Variants in SMC5 observed in about 807,000 individuals in gnomAD.
The protein encoded by SMC5 is structural maintenance of chromosomes 5.
Under a neutral mutation model 148.3 loss-of-function variants are expected in SMC5, and 88 were observed. The ratio of observed to expected loss-of-function variants is 0.59; its 90% CI spans 0.50 to 0.71. SMC5 has a LOEUF of 0.71. Among genes scored for constraint, SMC5 ranks in the 30% least tolerant of loss-of-function variants. The pLI is 0.00. For missense variants in SMC5, 1,142 were observed against 1,298.9 expected, an observed-to-expected ratio of 0.88 and a Z score of 1.86; for synonymous variants, 421 against 432.8, an observed-to-expected ratio of 0.97 and a Z score of 0.34.
intron 13 of SMC5, among the ~76,000 whole-genome samples, chr9:70,318,161 T>A (rs2035853374): frequency 6.6e-6 from 1 of 151,978 alleles, no homozygotes; most frequent in Non-Finnish European, 1.5e-5. Context: ...GGCGGGAGAA[T>A]CTCAGAGGCA....
chr9:70,348,181 C>A, intron 22 of SMC5, 143 bp downstream of exon 22: 3 of 803,006 alleles, frequency 3.7e-6, no homozygotes, highest in Non-Finnish European at 5.5e-6. Flanking sequence ...AGGAGAAAAC[C>A]ACCTGTGGGA....
At position 70,318,530 on chromosome 9, in the gene SMC5, G is replaced by A. The variant is rs745509783; in HGVS notation, c.1823G>A (p.Arg608Gln). 15 of 1,602,200 alleles carry A rather than the reference G, an allele frequency of 9.4e-6. 1 individual carries two copies. The highest frequency in any genetic ancestry group is 1.7e-4 in the Middle Eastern group (1 of 6,004). The change falls in exon 14 of 25, where the codon CGA (arginine) becomes CAA (glutamine). Residue 608 changes from arginine (R) to glutamine (Q), a missense_variant. This residue lies in a region of SMC5 where 743 missense variants were observed against 835.7 expected (regional missense o/e 0.89). Transcript: ENST00000361138. Reference protein sequence around the residue: ...ERIERVIQETRLKQIYTAEEK... With the variant: ...ERIERVIQETQLKQIYTAEEK... ...ACGTTATAGGTAATACAAGAAACCC[G>A]ATTAAAACAGATTTATACAGCAGAA...
At chr9:70,267,854 C>A in intron 2 of SMC5, 69 bp from the exon 3 acceptor site, 1 of 1,355,552 alleles carries the variant, frequency 7.4e-7, no homozygotes, top group Non-Finnish European at 1.0e-6. Context: ...ATAATAATGA[C>A]TGCTAAATCT....
intron 17 of SMC5, among the ~76,000 whole-genome samples, chr9:70,329,154 T>C (rs900376983): frequency 2.0e-5 from 3 of 152,190 alleles, no homozygotes; most frequent in African/African-American, 7.2e-5. Context: ...CCTGGAGGCA[T>C]TTTCCCCATT....
At chr9:70,298,862 A>G (rs934836603) in intron 9 of SMC5, among the ~76,000 whole-genome samples, 4 of 151,720 alleles carry the variant, frequency 2.6e-5, no homozygotes, top group Admixed American at 6.6e-5. Context: ...CCTTCCATAT[A>G]TATCATATTC....
In SMC5 at chr9:70,347,911, A is replaced by AT; in HGVS notation, c.2770-5dup. 2 of 1,570,456 alleles carry AT rather than the reference A, an allele frequency of 1.3e-6. No homozygotes were observed. Among genetic ancestry groups the AT allele is most frequent in the Non-Finnish European group, 1.7e-6 (2 of 1,159,458 alleles). ...TAAATTGTGTTTTTATATTGCCTTT[A>AT]TTTGTAGGTAAAAGAAAGGTGGCTT... On this transcript the variant is annotated splice_polypyrimidine_tract_variant and splice_region_variant and intron_variant, in intron 21 of 24. Coordinates refer to ENST00000361138, the MANE Select transcript of SMC5 (RefSeq NM_015110.4).
intron 1 of SMC5, among the ~76,000 whole-genome samples, chr9:70,259,777 C>T (rs975022197): frequency 9.9e-5 from 15 of 152,274 alleles, no homozygotes; most frequent in African/African-American, 3.4e-4. Flanking sequence ...ATTGTTGGAC[C>T]TCCCTACAAA....
intron 2 of SMC5, among the ~76,000 whole-genome samples, chr9:70,266,366 A>C (rs1353081901): frequency 6.6e-6 from 1 of 152,128 alleles, no homozygotes; most frequent in Non-Finnish European, 1.5e-5. Flanking sequence ...GTTTTTCTTC[A>C]TTTCAAAGAT....
intron 22 of SMC5, among the ~76,000 whole-genome samples, chr9:70,349,205 TA>T (rs1245824810): frequency 6.6e-6 from 1 of 152,184 alleles, no homozygotes; most frequent in Non-Finnish European, 1.5e-5. Context: ...TAGCTGGGAT[TA>T]CAGATGCCTG....
chr9:70,351,014 G>T (rs1241569524), intron 24 of SMC5, among the ~76,000 whole-genome samples: 1 of 152,104 alleles, frequency 6.6e-6, no homozygotes, highest in East Asian at 1.9e-4. Context: ...TGTATTCAAA[G>T]ATATGTTTTT....
chr9:70,333,537 C>T (rs999556503), intron 17 of SMC5, among the ~76,000 whole-genome samples: 37 of 152,002 alleles, frequency 2.4e-4, no homozygotes, highest in African/African-American at 7.7e-4. Context: ...TTGAGATCAG[C>T]CTGGCCAACA....
At position 70,324,021 on chromosome 9, in the gene SMC5, A is replaced by C. The variant is rs753296981; in HGVS notation, c.2275A>C (p.Ile759Leu). The C allele has an allele frequency of 4.5e-6, 7 of 1,554,460 alleles. No homozygotes were observed. The Admixed American group carries it at 1.1e-4, about 25-fold the overall frequency. The part of the protein sequence containing the change: ...LVTELTNLIK[I>L]CTSLHIQKVD... Reference sequence around the variant, plus strand: ...AACTCTTAGGGGTTTTTGTTCCTAGATTTGTACTTCTTTGCATATACAAAA... The same window carrying C: ...AACTCTTAGGGGTTTTTGTTCCTAGCTTTGTACTTCTTTGCATATACAAAA... The change falls in exon 17 of 25, where the codon ATT becomes CTT. Residue 759 changes from isoleucine (I) to leucine (L), a missense_variant and splice_region_variant. Physicochemically the swap from Ile to Leu is conservative, Grantham distance 5 (BLOSUM62 2). Around this residue, in one of 5 missense-constraint regions of SMC5, gnomAD observed 743 missense variants for 835.7 expected, o/e 0.89. Transcript: ENST00000361138.
At chr9:70,280,243 A>G (rs2034713567) in intron 5 of SMC5, among the ~76,000 whole-genome samples, 1 of 152,224 alleles carries the variant, frequency 6.6e-6, no homozygotes. Context: ...CATATATTCT[A>G]CTAGGTTCTG....
chr9:70,328,543 T>C (rs7867727), intron 17 of SMC5, among the ~76,000 whole-genome samples: 32,168 of 152,018 alleles, frequency 0.21, 3,537 homozygotes, highest in South Asian at 0.28. Flanking sequence ...ATGCAAGGAG[T>C]GGGCTCCCAA....
At chr9:70,325,172 A>T (rs934640779) in intron 17 of SMC5, among the ~76,000 whole-genome samples, 3 of 152,120 alleles carry the variant, frequency 2.0e-5, no homozygotes, top group Non-Finnish European at 4.4e-5. Context: ...TCTTTGTGGC[A>T]TTTTCTATCC....
chr9:70,296,419 G>C (rs544755397), intron 8 of SMC5, among the ~76,000 whole-genome samples: 1 of 151,958 alleles, frequency 6.6e-6, no homozygotes, highest in South Asian at 2.1e-4. Context: ...AAAATTAACC[G>C]GGCATGGTGG....
At chr9:70,284,723 C>T (rs1206437538) in intron 7 of SMC5, among the ~76,000 whole-genome samples, 2 of 151,990 alleles carry the variant, frequency 1.3e-5, no homozygotes, top group Non-Finnish European at 2.9e-5. Context: ...GAATTATTTT[C>T]CTAAAGAAAT....
intron 8 of SMC5, among the ~76,000 whole-genome samples, chr9:70,297,507 G>T (rs573887849): frequency 6.6e-6 from 1 of 152,276 alleles, no homozygotes; most frequent in South Asian, 2.1e-4. Context: ...AGATTTTGGA[G>T]AATTTTGGAT....
rs749097179 is a variant in SMC5 at position 70,267,942 on chromosome 9, G to C, written c.347G>C (p.Arg116Thr). 6.2e-7 allele frequency: 1 copy of C among 1,613,356 alleles called. No homozygotes were observed. The highest frequency in any genetic ancestry group is 8.5e-7 in the Non-Finnish European group (1 of 1,179,730). Residue 116 changes from arginine (R) to threonine (T), a missense_variant, in exon 3 of 25, where the codon AGA becomes ACA. Physicochemically the swap from Arg to Thr is moderately conservative, Grantham distance 71. Around this residue, in one of 5 missense-constraint regions of SMC5, gnomAD observed 297 missense variants for 302.6 expected, o/e 0.98. Transcript: ENST00000361138. Reference protein sequence around the residue: ...RADKVGFFVKRGCSRGMVEIE... With the variant: ...RADKVGFFVKTGCSRGMVEIE... Reference sequence around the variant, plus strand: ...TCTTAGGTTGGGTTTTTTGTGAAGAGAGGATGTTCTAGAGGCATGGTTGAA... The same window carrying C: ...TCTTAGGTTGGGTTTTTTGTGAAGACAGGATGTTCTAGAGGCATGGTTGAA...
Sources: allele counts gnomAD v4.1 joint callset (sites outside exome capture counted in the v4.1 genomes callset), GRCh38; gene constraint gnomAD v4.1.1; regional missense constraint gnomAD v4.1.1; transcripts MANE v1.5; gene names NCBI Gene and HGNC (gene_info 2026-07-23, HGNC 2026-07-21).